The following AK3 variants were observed in gnomAD, a reference collection of about 807,000 sequenced individuals.
The protein encoded by AK3 is adenylate kinase 3.
In AK3, 27 loss-of-function variants were observed where a neutral mutation model predicts 23.7. The observed-to-expected ratio is 1.14, with a 90% CI of 0.84 to 1.57. The LOEUF is 1.57. Among genes scored for constraint, AK3 ranks in the 40% most tolerant of loss-of-function variants. The probability of loss-of-function intolerance (pLI) is 0.00; values close to 1 mark genes in which losing one functional copy is unlikely to be tolerated. For synonymous variants in AK3, 159 were observed against 116.0 expected (o/e 1.37, Z -2.38); for missense variants, 406 against 285.6 (o/e 1.42, Z -3.04).
intron 1 of AK3, among the ~76,000 whole-genome samples, chr9:4,723,608 A>C (rs1459687120): frequency 6.6e-6 from 1 of 152,248 alleles, no homozygotes; most frequent in Non-Finnish European, 1.5e-5. Flanking sequence ...TAATTCCATC[A>C]TAATCTGCGT....
intron 1 of AK3, among the ~76,000 whole-genome samples, chr9:4,727,889 A>C (rs1842054331): frequency 6.6e-6 from 1 of 152,196 alleles, no homozygotes; most frequent in Admixed American, 6.5e-5. Flanking sequence ...TAGTTGGCCT[A>C]ATTTCAATAT....
At chr9:4,726,519 A>G (rs998202499) in intron 1 of AK3, among the ~76,000 whole-genome samples, 6 of 151,874 alleles carry the variant, frequency 4.0e-5, no homozygotes, top group African/African-American at 1.5e-4. Context: ...ATTAAAAGCA[A>G]CTCCTCATCC....
At chr9:4,728,772 T>C (rs1842075125) in intron 1 of AK3, among the ~76,000 whole-genome samples, 2 of 146,866 alleles carry the variant, frequency 1.4e-5, no homozygotes, top group Non-Finnish European at 3.0e-5. Flanking sequence ...AAGGAAGGAG[T>C]TTCACTTGAG....
In AK3 at chr9:4,712,353, T is replaced by C. The variant is rs1034360322; in HGVS notation, c.*623A>G. On this transcript the variant is annotated 3_prime_UTR_variant, in exon 5 of 5. Transcript: ENST00000381809. ...ATTTTTCTATATGCTAATTGATACA[T>C]CTTTATAGCAAATTGAAAATTCTGA... The C allele has an allele frequency of 6.6e-6, 1 of 152,168 alleles. No individual in the cohort carries two copies. The highest frequency in any genetic ancestry group is 2.4e-5 in the African/African-American group (1 of 41,444). The allele number at this position is 152,168 out of a possible 1,614,324, so 9.4% of individuals were successfully genotyped here.
At chr9:4,726,439 T>C (rs1301144074) in intron 1 of AK3, among the ~76,000 whole-genome samples, 1 of 152,168 alleles carries the variant, frequency 6.6e-6, no homozygotes, top group African/African-American at 2.4e-5. Flanking sequence ...TCGTTGCCAG[T>C]TGAATAATGC....
rs1157438557 is a variant in AK3, at chr9:4,719,168, G to C, written c.411C>G (p.Val137=). 4 of 1,611,868 alleles carry C rather than the reference G, an allele frequency of 2.5e-6. No homozygotes were observed. The South Asian group carries it at 3.3e-5, about 13-fold the overall frequency. Residue 137 remains valine, a synonymous_variant, in exon 3 of 5, where the codon GTC becomes GTG. Transcript: ENST00000381809. ...TGGGAGGGTTGAATTCAATGTTATAGACTCGGCCACTGGCGGGATGAATCC... is the reference window on the plus strand; with the variant it reads ...TGGGAGGGTTGAATTCAATGTTATACACTCGGCCACTGGCGGGATGAATCC... ...ARWIHPASGR[V]YNIEFNPPKT...
At chr9:4,738,443 G>T (rs1010151373) in intron 1 of AK3, among the ~76,000 whole-genome samples, 4 of 152,170 alleles carry the variant, frequency 2.6e-5, no homozygotes, top group African/African-American at 9.7e-5. Flanking sequence ...TAGGATTACA[G>T]GCGTGAGACA....
chr9:4,730,821 T>C (rs1842136162), intron 1 of AK3, among the ~76,000 whole-genome samples: 1 of 152,040 alleles, frequency 6.6e-6, no homozygotes, highest in Admixed American at 6.6e-5. Context: ...TATTTTTCTC[T>C]TTTGTTTTAT....
chr9:4,735,611 C>T (rs1349643410), intron 1 of AK3, among the ~76,000 whole-genome samples: 5 of 147,952 alleles, frequency 3.4e-5, no homozygotes, highest in African/African-American at 1.2e-4. Flanking sequence ...CCAACAGGTG[C>T]CCGCCACCAT....
chr9:4,740,544 AG>A (rs1298024507), intron 1 of AK3, among the ~76,000 whole-genome samples: 2 of 152,226 alleles, frequency 1.3e-5, no homozygotes, highest in African/African-American at 4.8e-5. Flanking sequence ...CAGAACGAGC[AG>A]ACTCTAGCAG....
In AK3 at chr9:4,710,186, T is replaced by G. The variant is rs1841514179; in HGVS notation, c.*2790A>C. 6.6e-6 allele frequency: 1 copy of G among 152,022 alleles called. No individual in the cohort carries two copies. Among genetic ancestry groups the G allele is most frequent in the South Asian group, 2.1e-4 (1 of 4,830 alleles). 9.4% of individuals were successfully genotyped at this position (152,022 alleles called of 1,614,324 possible). On this transcript the variant is annotated 3_prime_UTR_variant, in exon 5 of 5. Transcript: ENST00000381809. ...GCAAAATAACTTTTACTCTATAAAA[T>G]AAATCAGTTGAGGTGCTGTTCTCCC...
At chr9:4,718,138 T>C (rs938607170) in intron 4 of AK3, among the ~76,000 whole-genome samples, 1 of 152,226 alleles carries the variant, frequency 6.6e-6, no homozygotes, top group Non-Finnish European at 1.5e-5. Context: ...TGGCTGTTCC[T>C]ACAAATGTCT....
At chr9:4,726,188 G>C (rs1390487342) in intron 1 of AK3, among the ~76,000 whole-genome samples, 2 of 152,128 alleles carry the variant, frequency 1.3e-5, no homozygotes, top group African/African-American at 4.8e-5. Context: ...ATGGCTGATG[G>C]CTGCTGACTG....
chr9:4,715,644 G>C (rs1476642083), intron 4 of AK3, among the ~76,000 whole-genome samples: 2 of 151,942 alleles, frequency 1.3e-5, no homozygotes, highest in African/African-American at 2.4e-5. Flanking sequence ...CGATCCTCCT[G>C]CCTTAGCCTC....
chr9:4,739,317 A>G (rs1842369458), intron 1 of AK3, among the ~76,000 whole-genome samples: 1 of 151,408 alleles, frequency 6.6e-6, no homozygotes, highest in Non-Finnish European at 1.5e-5. Flanking sequence ...CAGCCTCCCG[A>G]GTAGCTAGGA....
At chr9:4,740,814 C>T (rs765577063) in intron 1 of AK3, 123 bp downstream of exon 1, 354 of 1,226,638 alleles carry the variant, frequency 2.9e-4, no homozygotes, top group Middle Eastern at 8.9e-4. Flanking sequence ...GTCTCTGTCC[C>T]GGGCGGCGGG....
Position 4,712,864 on chromosome 9 carries a change from A to G in AK3, c.*112T>C, listed in dbSNP as rs1841598003. 3.3e-6 allele frequency: 4 copies of G among 1,208,320 alleles called. No homozygotes were observed. The South Asian group carries it at 7.1e-5, about 21-fold the overall frequency. 74.8% of individuals were successfully genotyped at this position (1,208,320 alleles called of 1,614,324 possible). A position where few individuals can be genotyped will look rare whatever the true frequency, so the allele number is the denominator to read the frequency against. On this transcript the variant is annotated 3_prime_UTR_variant, in exon 5 of 5. Transcript: ENST00000381809. ...AATAAAATCAGTAGAAATAAAAGTAATATAATTTTCAAAGAATTCATACAT... is the reference window on the plus strand; with the variant it reads ...AATAAAATCAGTAGAAATAAAAGTAGTATAATTTTCAAAGAATTCATACAT...
intron 1 of AK3, among the ~76,000 whole-genome samples, chr9:4,726,430 C>T (rs770716130): frequency 1.3e-5 from 2 of 152,184 alleles, no homozygotes; most frequent in Non-Finnish European, 2.9e-5. Context: ...CTAAATCCCT[C>T]GTTGCCAGTT....
At chr9:4,718,561 G>C (rs1430995400) in intron 3 of AK3, 24 bp from the exon 4 acceptor site, 1 of 1,456,446 alleles carries the variant, frequency 6.9e-7, no homozygotes, top group Non-Finnish European at 9.6e-7. Flanking sequence ...GAAGAGACTA[G>C]TATCAGATAT....
Sources: gnomAD v4.1 joint callset for allele counts (sites outside exome capture counted in the v4.1 genomes callset) on GRCh38, gnomAD v4.1.1 for gene constraint, MANE v1.5 for transcripts, NCBI Gene and HGNC (gene_info 2026-07-23, HGNC 2026-07-21) for gene names.